Variants in SYT1 observed in about 807,000 individuals in gnomAD.
SYT1 encodes the protein synaptotagmin 1.
A neutral mutation model predicts 44.8 loss-of-function variants in SYT1; 8 were observed. The ratio of observed to expected loss-of-function variants is 0.18; its 90% CI spans 0.10 to 0.32. SYT1 has a LOEUF of 0.32. Ranked by LOEUF, SYT1 falls within the 10% of genes least tolerant of loss-of-function variation. The probability of loss-of-function intolerance (pLI) is 1.00; values close to 1 mark genes in which losing one functional copy is unlikely to be tolerated. For synonymous variants in SYT1, 154 were observed against 188.8 expected (o/e 0.82, Z 1.51); for missense variants, 286 against 509.3 (o/e 0.56, Z 4.22).
chr12:79,261,925 T>C (rs946078702), intron 4 of SYT1, among the ~76,000 whole-genome samples: 1 of 152,208 alleles, frequency 6.6e-6, no homozygotes, highest in Non-Finnish European at 1.5e-5. Context: ...TTTATTATTT[T>C]ACTCTCTTAT....
intron 1 of SYT1, among the ~76,000 whole-genome samples, chr12:78,880,736 C>CT (rs150635666): frequency 0.014 from 2,177 of 150,200 alleles, 61 homozygotes; most frequent in African/African-American, 0.05. Flanking sequence ...AGGAAATTTT[C>CT]TTTTTTTTTG....
At chr12:79,448,753 TA>T (rs558486462) in intron 10 of SYT1, among the ~76,000 whole-genome samples, 164 bp from the exon 11 acceptor site, 73 of 152,352 alleles carry the variant, frequency 4.8e-4, no homozygotes, top group African/African-American at 1.6e-3. Context: ...AAGTATATAA[TA>T]AAAATTAACG....
At chr12:79,426,083 A>C (rs1424500178) in intron 9 of SYT1, among the ~76,000 whole-genome samples, 1 of 142,666 alleles carries the variant, frequency 7.0e-6, no homozygotes, top group African/African-American at 2.6e-5. Flanking sequence ...TGTTTGATTA[A>C]AAAAAAAAAA....
Position 78,992,382 on chromosome 12 carries a change from T to C in SYT1, c.-84+14451T>C, listed in dbSNP as rs561634469. Among the ~76,000 whole-genome samples, 10 of 152,346 alleles carry C rather than the reference T, an allele frequency of 6.6e-5. No individual in the cohort carries two copies. In the South Asian group the frequency reaches 1.4e-3, roughly 22 times the overall value. Reference sequence around the variant, plus strand: ...TCAGTAGCATGAGGCTATATTAAGATACAACTTTAAATAGTGCTTCATAAA... The same window carrying C: ...TCAGTAGCATGAGGCTATATTAAGACACAACTTTAAATAGTGCTTCATAAA... On this transcript the variant is annotated intron_variant, in intron 2 of 10. Transcript: ENST00000261205.
intron 9 of SYT1, among the ~76,000 whole-genome samples, chr12:79,429,992 G>GGCTTCCTTCCT (rs1869684087): frequency 6.6e-6 from 1 of 152,132 alleles, no homozygotes; most frequent in Non-Finnish European, 1.5e-5. Flanking sequence ...AGGAAGACTA[G>GGCTTCCTTCCT]AGAAAGCCAA....
At chr12:79,111,643 C>T (rs1371314961) in intron 3 of SYT1, among the ~76,000 whole-genome samples, 8 of 151,780 alleles carry the variant, frequency 5.3e-5, no homozygotes, top group African/African-American at 9.7e-5. Flanking sequence ...ATACCTCATT[C>T]TATTTTCATG....
intron 1 of SYT1, among the ~76,000 whole-genome samples, chr12:78,901,978 C>G (rs994355794): frequency 1.1e-4 from 17 of 151,694 alleles, no homozygotes; most frequent in African/African-American, 4.1e-4. Context: ...TAAGTGGGAA[C>G]TGAACAATAA....
intron 1 of SYT1, among the ~76,000 whole-genome samples, chr12:78,931,638 AT>A (rs1877758689): frequency 6.6e-6 from 1 of 152,106 alleles, no homozygotes; most frequent in Non-Finnish European, 1.5e-5. Flanking sequence ...CTCAGGAGTT[AT>A]TTTAACAATT....
chr12:79,088,332 CT>C (rs1877524256), intron 3 of SYT1, among the ~76,000 whole-genome samples: 1 of 151,764 alleles, frequency 6.6e-6, no homozygotes, highest in South Asian at 2.1e-4. Context: ...TAATTTGAGT[CT>C]GTAAAACAAA....
At chr12:79,216,051 C>G (rs1031401027) in intron 3 of SYT1, among the ~76,000 whole-genome samples, 1 of 150,956 alleles carries the variant, frequency 6.6e-6, no homozygotes, top group Non-Finnish European at 1.5e-5. Flanking sequence ...CCTGCCTCAG[C>G]CTCCCGACTA....
At position 79,299,554 on chromosome 12, in the gene SYT1, A is replaced by G. The variant is rs751884737; in HGVS notation, c.810+3A>G. ...TGCAAAGTGCTGAGAAGGAAGAGGT[A>G]AGGGAATTACTAGCATTTCTAACAT... On this transcript the variant is annotated splice_donor_region_variant and intron_variant, in intron 8 of 10. Coordinates refer to ENST00000261205, the MANE Select transcript of SYT1 (RefSeq NM_005639.3). 1.9e-6 allele frequency: 3 copies of G among 1,611,104 alleles called. No homozygotes were observed. The highest frequency in any genetic ancestry group is 2.5e-6 in the Non-Finnish European group (3 of 1,178,860).
At chr12:79,166,312 C>CT (rs1871220159) in intron 3 of SYT1, among the ~76,000 whole-genome samples, 1 of 151,932 alleles carries the variant, frequency 6.6e-6, no homozygotes, top group Non-Finnish European at 1.5e-5. Context: ...ATGGTAAACT[C>CT]TATCATAATT....
At chr12:79,119,779 C>G (rs572469647) in intron 3 of SYT1, among the ~76,000 whole-genome samples, 1 of 152,210 alleles carries the variant, frequency 6.6e-6, no homozygotes, top group Non-Finnish European at 1.5e-5. Flanking sequence ...GATTCCTTTA[C>G]TTCCTGAATT....
chr12:79,055,256 ACTT>A (rs1367166207), intron 3 of SYT1, among the ~76,000 whole-genome samples: 1 of 151,896 alleles, frequency 6.6e-6, no homozygotes, highest in Non-Finnish European at 1.5e-5. Context: ...TGTTTCTAAA[ACTT>A]CTTATTAATC....
At chr12:79,147,253 C>T (rs1869977307) in intron 3 of SYT1, among the ~76,000 whole-genome samples, 1 of 152,216 alleles carries the variant, frequency 6.6e-6, no homozygotes, top group South Asian at 2.1e-4. Flanking sequence ...TATTTGCTCT[C>T]TTCCTCCACC....
At chr12:79,209,166 CAA>C (rs1874297507) in intron 3 of SYT1, among the ~76,000 whole-genome samples, 1 of 152,166 alleles carries the variant, frequency 6.6e-6, no homozygotes, top group Non-Finnish European at 1.5e-5. Flanking sequence ...TTACTTCCCT[CAA>C]GAGAAATTAT....
chr12:79,027,239 AC>A (rs759524615), intron 2 of SYT1, among the ~76,000 whole-genome samples: 1 of 151,146 alleles, frequency 6.6e-6, no homozygotes, highest in African/African-American at 2.4e-5. Context: ...CTTTCCAGAG[AC>A]CCCTTTGCTG....
chr12:78,917,725 G>T (rs1470640422), intron 1 of SYT1, among the ~76,000 whole-genome samples: 3 of 151,768 alleles, frequency 2.0e-5, no homozygotes, highest in Non-Finnish European at 2.9e-5. Flanking sequence ...AATGAGATTA[G>T]CTTTGAAGAT....
chr12:79,040,145 GGA>G (rs1343785624), intron 2 of SYT1, among the ~76,000 whole-genome samples: 2 of 151,932 alleles, frequency 1.3e-5, no homozygotes, highest in African/African-American at 4.8e-5. Context: ...CCCAGTAATG[GGA>G]TGGCTGGGTC....
Sources: gnomAD v4.1 joint callset for allele counts (sites outside exome capture counted in the v4.1 genomes callset) on GRCh38, gnomAD v4.1.1 for gene constraint, MANE v1.5 for transcripts, NCBI Gene and HGNC (gene_info 2026-07-23, HGNC 2026-07-21) for gene names.